PRDM16: variants seen among roughly 807,000 people sequenced by gnomAD.
PRDM16 encodes PR/SET domain 16, also known as histone-lysine N-methyltransferase PRDM16.
A neutral mutation model predicts 110.6 loss-of-function variants in PRDM16; 23 were observed. The observed-to-expected ratio is 0.21, with a 90% CI of 0.15 to 0.29. The LOEUF (loss-of-function observed/expected upper bound fraction) is 0.29. Among genes scored for constraint, PRDM16 ranks in the 10% least tolerant of loss-of-function variants. The pLI, the probability that PRDM16 is intolerant of heterozygous loss-of-function variation, is 1.00. For synonymous variants in PRDM16, 799 were observed against 781.8 expected, an observed-to-expected ratio of 1.02 and a Z score of -0.37; for missense variants, 1,615 against 1,794.3, an observed-to-expected ratio of 0.90 and a Z score of 1.81.
intron 1 of PRDM16, among the ~76,000 whole-genome samples, chr1:3,181,350 T>G (rs1175510394): frequency 1.6e-5 from 1 of 63,492 alleles, no homozygotes; most frequent in Non-Finnish European, 3.2e-5. Context: ...TTACACACGG[T>G]CTTACACACG....
chr1:3,412,022 A>C lies in PRDM16; in HGVS notation c.1825A>C (p.Thr609Pro). Residue 609 changes from threonine to proline, a missense_variant, in exon 9 of 17, where the codon ACC (threonine) becomes CCC (proline). Transcript: ENST00000270722. ...CGGCAGTGACTTTGAGGACGTCAAC[A>C]CCACCACGGGGACCGACCTGGACAC... ...SDGSDFEDVNTTTGTDLDTTT... is the reference protein window; with the variant it reads ...SDGSDFEDVNPTTGTDLDTTT... 6.2e-7 allele frequency: 1 copy of C among 1,613,406 alleles called. No homozygotes were observed.
intron 3 of PRDM16, among the ~76,000 whole-genome samples, chr1:3,285,578 G>C (rs1444966785): frequency 6.6e-6 from 1 of 152,158 alleles, no homozygotes; most frequent in African/African-American, 2.4e-5. Context: ...ATGCTCGCTC[G>C]GGCTTCTTCG....
At chr1:3,109,469 C>A (rs901805490) in intron 1 of PRDM16, among the ~76,000 whole-genome samples, 2 of 152,196 alleles carry the variant, frequency 1.3e-5, no homozygotes, top group Admixed American at 6.5e-5. Context: ...CCTAAACAGA[C>A]GCTAAAGTGA....
At chr1:3,131,128 C>T (rs774891617) in intron 1 of PRDM16, among the ~76,000 whole-genome samples, 29 of 152,144 alleles carry the variant, frequency 1.9e-4, no homozygotes, top group Non-Finnish European at 3.8e-4. Flanking sequence ...TGTGCCGCAG[C>T]CACAGTTTTT....
chr1:3,387,653 C>T (rs4648492), intron 4 of PRDM16, among the ~76,000 whole-genome samples: 277 of 152,338 alleles, frequency 1.8e-3, no homozygotes, highest in Non-Finnish European at 2.6e-3. Flanking sequence ...CTGGAATGCC[C>T]GGGAAAGCAG....
At chr1:3,373,075 C>T (rs1642932188) in intron 3 of PRDM16, among the ~76,000 whole-genome samples, 1 of 152,200 alleles carries the variant, frequency 6.6e-6, no homozygotes, top group Non-Finnish European at 1.5e-5. Flanking sequence ...ATGGATGCTT[C>T]CACCTCGTAA....
chr1:3,246,698 C>T lies in PRDM16; in HGVS notation c.438+2561C>T, dbSNP rs921519083. Among the ~76,000 whole-genome samples the T allele has an allele frequency of 6.6e-6, 1 of 152,176 alleles. No individual in the cohort carries two copies. Among genetic ancestry groups the T allele is most frequent in the Non-Finnish European group, 1.5e-5 (1 of 68,030 alleles). ...CAGCCTCCGCAATAAACACCGTCAG[C>T]GTCTGGAGGATTCGAGTGTTTGCCA... is the stretch of plus-strand genomic sequence containing the variant. On this transcript the variant is annotated intron_variant, in intron 3 of 16. Transcript: ENST00000270722. This position sits in a 1 kb window ranked among gnomAD's most constrained non-coding sequence, Gnocchi z 5.2.
chr1:3,192,979 G>A (rs919015044), intron 2 of PRDM16, among the ~76,000 whole-genome samples: 2 of 152,190 alleles, frequency 1.3e-5, no homozygotes, highest in South Asian at 2.1e-4. Flanking sequence ...CATGTGCACA[G>A]CTGAGTTTAG....
Position 3,370,480 on chromosome 1 carries a change from C to A in PRDM16, c.439-14672C>A, listed in dbSNP as rs951441099. 1.3e-5 allele frequency among the ~76,000 whole-genome samples: 2 copies of A among 152,160 alleles called. No homozygotes were observed. The highest frequency in any genetic ancestry group is 2.9e-5 in the Non-Finnish European group (2 of 68,042). Reference sequence around the variant, plus strand: ...GTTCCCCAAGCATGCATTGAGCACTCATGGTTTGCCTGGCTCTGGGAATCA... The same window carrying A: ...GTTCCCCAAGCATGCATTGAGCACTAATGGTTTGCCTGGCTCTGGGAATCA... On this transcript the variant is annotated intron_variant, in intron 3 of 16. Coordinates refer to ENST00000270722, the MANE Select transcript of PRDM16 (RefSeq NM_022114.4). The surrounding 1 kb of genome is among the most constrained non-coding windows in gnomAD (Gnocchi z 4.8).
At chr1:3,173,142 G>A (rs1644044965) in intron 1 of PRDM16, among the ~76,000 whole-genome samples, 1 of 152,200 alleles carries the variant, frequency 6.6e-6, no homozygotes, top group Non-Finnish European at 1.5e-5. Context: ...AGCCTCGGCT[G>A]TGATTCAGGA....
chr1:3,251,432 G>A (rs1639930179), intron 3 of PRDM16, among the ~76,000 whole-genome samples: 1 of 152,200 alleles, frequency 6.6e-6, no homozygotes, highest in African/African-American at 2.4e-5. Context: ...TCCAGGGCTT[G>A]GCTGCTCTTT....
At position 3,425,884 on chromosome 1, in the gene PRDM16, G is replaced by A; in HGVS notation, c.3109+134G>A. ...AGACTACCCCTCAGGAAGCCAACAGGCACCCCTCAAACCGTGGTCATTAAA... is the reference window on the plus strand; with the variant it reads ...AGACTACCCCTCAGGAAGCCAACAGACACCCCTCAAACCGTGGTCATTAAA... On this transcript the variant is annotated intron_variant, in intron 13 of 16. Transcript: ENST00000270722. The surrounding 1 kb of genome is among the most constrained non-coding windows in gnomAD (Gnocchi z 6.9). 2 of 1,287,214 alleles carry A rather than the reference G, an allele frequency of 1.6e-6. No individual in the cohort carries two copies. Among genetic ancestry groups the A allele is most frequent in the Non-Finnish European group, 2.1e-6 (2 of 935,000 alleles). The allele number at this position is 1,287,214 out of a possible 1,614,324, so 79.7% of individuals were successfully genotyped here.
chr1:3,212,810 C>T (rs1638929946), intron 2 of PRDM16, among the ~76,000 whole-genome samples: 1 of 152,234 alleles, frequency 6.6e-6, no homozygotes. Context: ...CTGCTCCCTC[C>T]CTGACCCCAG....
At chr1:3,423,132 C>T (rs1020365495) in intron 12 of PRDM16, among the ~76,000 whole-genome samples, 4 of 152,158 alleles carry the variant, frequency 2.6e-5, no homozygotes, top group African/African-American at 7.2e-5. Context: ...TTTGCTGGGA[C>T]GAAGTGGGAT....
chr1:3,384,411 G>A (rs1643160848), intron 3 of PRDM16, among the ~76,000 whole-genome samples: 1 of 152,206 alleles, frequency 6.6e-6, no homozygotes, highest in African/African-American at 2.4e-5. Flanking sequence ...CAGGCTGTTT[G>A]AGGGGACACC....
intron 3 of PRDM16, among the ~76,000 whole-genome samples, chr1:3,343,271 T>C (rs915860780): frequency 4.7e-5 from 7 of 149,708 alleles, no homozygotes; most frequent in African/African-American, 1.7e-4. Context: ...TGGGTATAAG[T>C]GCTTTTGTGA....
In PRDM16 at chr1:3,382,932, T is replaced by A. The variant is rs1643127351; in HGVS notation, c.439-2220T>A. On this transcript the variant is annotated intron_variant, in intron 3 of 16. Transcript: ENST00000270722. This position sits in a 1 kb window ranked among gnomAD's most constrained non-coding sequence, Gnocchi z 6.6. ...GCCAGCCCCATGTGGCCAGCTGTGCTCCTGCTACTCCATCGTTTGTATATT... is the reference window on the plus strand; with the variant it reads ...GCCAGCCCCATGTGGCCAGCTGTGCACCTGCTACTCCATCGTTTGTATATT... 2.0e-5 allele frequency among the ~76,000 whole-genome samples: 3 copies of A among 152,210 alleles called. No individual in the cohort carries two copies. The South Asian group carries it at 6.2e-4, about 31-fold the overall frequency.
chr1:3,348,612 C>T (rs1450491708), intron 3 of PRDM16, among the ~76,000 whole-genome samples: 1 of 152,250 alleles, frequency 6.6e-6, no homozygotes, highest in Admixed American at 6.5e-5. Context: ...AGGGGGGCTT[C>T]CCCGGAGCTT....
At chr1:3,318,505 A>G (rs1450111050) in intron 3 of PRDM16, among the ~76,000 whole-genome samples, 1 of 152,110 alleles carries the variant, frequency 6.6e-6, no homozygotes, top group Non-Finnish European at 1.5e-5. Flanking sequence ...TCTACCATCT[A>G]TTGATTGTTG....
Sources: allele counts gnomAD v4.1 joint callset (sites outside exome capture counted in the v4.1 genomes callset), GRCh38; gene constraint gnomAD v4.1.1; non-coding constraint Gnocchi (gnomAD v3.1); transcripts MANE v1.5; gene names NCBI Gene and HGNC (gene_info 2026-07-23, HGNC 2026-07-21).